Variants in MYCBP observed in about 807,000 individuals in gnomAD.
MYCBP encodes the protein MYC binding protein, also known as C-Myc-binding protein.
A neutral mutation model predicts 16.8 loss-of-function variants in MYCBP; 5 were observed. That is an observed-to-expected ratio of 0.30 (90% confidence interval 0.16 to 0.63). MYCBP has a LOEUF of 0.63. MYCBP is among the 20% of genes least tolerant of loss of function. The pLI, the probability that MYCBP is intolerant of heterozygous loss-of-function variation, is 0.83. For missense variants in MYCBP, 103 were observed against 121.8 expected (o/e 0.85, Z 0.73); for synonymous variants, 35 against 43.7 (o/e 0.80, Z 0.79).
Position 38,864,237 on chromosome 1 carries a change from T to C in MYCBP, c.*433A>G, listed in dbSNP as rs895125859. ...CATGGGAACCCGTACAAAAGCATCTTGTGTCACACAGATCTCTCCAGCTGC... is the reference window on the plus strand; with the variant it reads ...CATGGGAACCCGTACAAAAGCATCTCGTGTCACACAGATCTCTCCAGCTGC... On this transcript the variant is annotated 3_prime_UTR_variant, in exon 5 of 5. Coordinates refer to ENST00000397572, the MANE Select transcript of MYCBP (RefSeq NM_012333.5). The C allele has an allele frequency of 3.1e-5, 5 of 159,420 alleles. No homozygotes were observed. The highest frequency in any genetic ancestry group is 1.2e-4 in the African/African-American group (5 of 41,538). 9.9% of individuals were successfully genotyped at this position (159,420 alleles called of 1,614,324 possible). A position where few individuals can be genotyped will look rare whatever the true frequency, so the allele number is the denominator to read the frequency against.
Position 38,867,054 on chromosome 1 carries a change from T to C in MYCBP, c.138-45A>G, listed in dbSNP as rs77119314. 3,482 of 1,543,730 alleles carry C rather than the reference T, an allele frequency of 2.3e-3. 56 individuals are homozygous for C. In the African/African-American group the frequency reaches 0.037, roughly 16 times the overall value. On this transcript the variant is annotated intron_variant, in intron 3 of 4. Transcript: ENST00000397572. The stretch of plus-strand genomic sequence containing the variant: ...CTTACTTCTTAGACATGAATGAAAC[T>C]AATGAAATAGCACAGAGTAGTATCA...
intron 2 of MYCBP, among the ~76,000 whole-genome samples, chr1:38,868,770 G>A (rs1375899040): frequency 6.6e-6 from 1 of 152,084 alleles, no homozygotes; most frequent in Non-Finnish European, 1.5e-5. Flanking sequence ...GCCAGGCGTG[G>A]TGGCGGGCGG....
At chr1:38,873,373 A>G (rs1246814707), upstream of MYCBP, 8 of 1,562,024 alleles carry the variant, frequency 5.1e-6, no homozygotes, top group African/African-American at 6.7e-5. Flanking sequence ...AGCACTGCTC[A>G]TGCGCGGAAG....
Position 38,873,106 on chromosome 1 carries a change from G to T in MYCBP, c.16-16C>A. ...AGTCGGCGGCCTGAAGAGACACCGG[G>T]GGTCAGTGGCCAGAGCCCGGGAGCC... is the stretch of plus-strand genomic sequence containing the variant. On this transcript the variant is annotated splice_polypyrimidine_tract_variant and intron_variant, in intron 1 of 4. Coordinates refer to ENST00000397572, the MANE Select transcript of MYCBP (RefSeq NM_012333.5). 6.4e-7 allele frequency: 1 copy of T among 1,556,854 alleles called. No homozygotes were observed. The highest frequency in any genetic ancestry group is 1.2e-5 in the South Asian group (1 of 84,720).
At chr1:38,868,063 T>A (rs554687338) in intron 2 of MYCBP, among the ~76,000 whole-genome samples, 2 of 152,214 alleles carry the variant, frequency 1.3e-5, no homozygotes, top group South Asian at 4.1e-4. Flanking sequence ...CATGGCCAGA[T>A]TAGGGAGAGT....
chr1:38,869,792 G>A (rs1642420946), intron 2 of MYCBP, among the ~76,000 whole-genome samples: 1 of 151,412 alleles, frequency 6.6e-6, no homozygotes, highest in Non-Finnish European at 1.5e-5. Context: ...TGAAATTCCA[G>A]CACTTTGAGA....
At chr1:38,872,591 T>G (rs1642488257) in intron 2 of MYCBP, 1 of 180,758 alleles carries the variant, frequency 5.5e-6, no homozygotes, top group African/African-American at 2.4e-5. Flanking sequence ...TTAGGCTCAC[T>G]CAGCTACTTC....
At chr1:38,866,497 A>C (rs995726450) in intron 4 of MYCBP, among the ~76,000 whole-genome samples, 2 of 151,216 alleles carry the variant, frequency 1.3e-5, no homozygotes, top group African/African-American at 4.9e-5. Flanking sequence ...GCTCACTGGA[A>C]CTTCCATCTG....
At position 38,864,347 on chromosome 1, in the gene MYCBP, C is replaced by T. The variant is rs1007059349; in HGVS notation, c.*323G>A. On this transcript the variant is annotated 3_prime_UTR_variant, in exon 5 of 5. Transcript: ENST00000397572. ...CCTGAACTGCACCAAGGAATAGCTC[C>T]ATGCTAAACTGTCTTGGCTAAAATA... The T allele has an allele frequency of 8.3e-6, 3 of 361,048 alleles. No individual in the cohort carries two copies. The highest frequency in any genetic ancestry group is 5.2e-6 in the Non-Finnish European group (1 of 191,836). 22.4% of individuals were successfully genotyped at this position (361,048 alleles called of 1,614,324 possible).
chr1:38,872,450 T>G (rs953194912), intron 2 of MYCBP: 1 of 152,542 alleles, frequency 6.6e-6, no homozygotes, highest in Admixed American at 6.5e-5. Context: ...CACCTTGATA[T>G]GCCCTCGAGC....
intron 4 of MYCBP, among the ~76,000 whole-genome samples, chr1:38,866,210 G>A (rs980173067): frequency 4.0e-5 from 6 of 151,224 alleles, no homozygotes; most frequent in Admixed American, 1.3e-4. Flanking sequence ...CACCAAGCCC[G>A]GCTAATTTTG....
chr1:38,866,407 G>A (rs944218060), intron 4 of MYCBP, among the ~76,000 whole-genome samples: 6 of 148,956 alleles, frequency 4.0e-5, no homozygotes, highest in East Asian at 2.0e-4. Flanking sequence ...TATGTCTTGC[G>A]GTTTTCTTTT....
chr1:38,871,698 C>A (rs1365736512), intron 2 of MYCBP, among the ~76,000 whole-genome samples: 1 of 151,984 alleles, frequency 6.6e-6, no homozygotes, highest in African/African-American at 2.4e-5. Context: ...CAGGCATGAG[C>A]CACGTGCCTG....
intron 4 of MYCBP, among the ~76,000 whole-genome samples, chr1:38,865,452 A>C (rs1022494183): frequency 6.6e-6 from 1 of 152,216 alleles, no homozygotes; most frequent in Non-Finnish European, 1.5e-5. Flanking sequence ...GTAAGACCTG[A>C]AAGACTTAAG....
intron 2 of MYCBP, among the ~76,000 whole-genome samples, chr1:38,868,721 C>A (rs1039178753): frequency 6.6e-6 from 1 of 152,038 alleles, no homozygotes; most frequent in Non-Finnish European, 1.5e-5. Flanking sequence ...CTGGCTAACA[C>A]AGTGAAACCC....
intron 2 of MYCBP, among the ~76,000 whole-genome samples, chr1:38,871,428 T>C (rs1001744444): frequency 5.5e-4 from 17 of 30,666 alleles, no homozygotes; most frequent in Non-Finnish European, 1.7e-3. Context: ...CACCTGTCAC[T>C]TTTTTTTTTT....
rs945671856 is a variant in MYCBP, at chr1:38,862,884, T to A, written c.*1786A>T. 6.6e-6 allele frequency: 1 copy of A among 152,176 alleles called. No individual in the cohort carries two copies. The highest frequency in any genetic ancestry group is 2.4e-5 in the African/African-American group (1 of 41,448). 9.4% of individuals were successfully genotyped at this position (152,176 alleles called of 1,614,324 possible). ...ACTAATCAAATGAGTAAAAAGCCCA[T>A]GAGGATTGGCTGCCACAAAAAATTT... On this transcript the variant is annotated 3_prime_UTR_variant, in exon 5 of 5. Transcript: ENST00000397572.
intron 3 of MYCBP, 149 bp from the exon 4 acceptor site, chr1:38,867,158 C>T: frequency 2.5e-6 from 2 of 814,404 alleles, no homozygotes; most frequent in Non-Finnish European, 3.8e-6. Flanking sequence ...GTGAAACTAA[C>T]TTTCTTGGCC....
Position 38,870,504 on chromosome 1 carries a change from C to G in MYCBP, c.88+2514G>C, listed in dbSNP as rs527715187. On this transcript the variant is annotated intron_variant, in intron 2 of 4. Coordinates refer to ENST00000397572, the MANE Select transcript of MYCBP (RefSeq NM_012333.5). The stretch of plus-strand genomic sequence containing the variant: ...TCTCAAAAAAAATAAAAAGTAAAAA[C>G]AAATAGAGGCCGGGCGCGGTGGCTC... 3.3e-5 allele frequency among the ~76,000 whole-genome samples: 5 copies of G among 151,876 alleles called. No homozygotes were observed. In the South Asian group the frequency reaches 1.0e-3, roughly 32 times the overall value.
Sources: allele counts gnomAD v4.1 joint callset (sites outside exome capture counted in the v4.1 genomes callset), GRCh38; gene constraint gnomAD v4.1.1; transcripts MANE v1.5; gene names NCBI Gene and HGNC (gene_info 2026-07-23, HGNC 2026-07-21).